PLPPR1: variants seen among roughly 807,000 people sequenced by gnomAD.
The protein encoded by PLPPR1 is phospholipid phosphatase related 1.
Under a neutral mutation model 33.1 loss-of-function variants are expected in PLPPR1, and 10 were observed. That is an observed-to-expected ratio of 0.30 (90% confidence interval 0.19 to 0.51). The LOEUF is 0.51. PLPPR1 is among the 20% of genes least tolerant of loss of function. The pLI is 0.97. For missense variants in PLPPR1, 304 were observed against 408.1 expected (o/e 0.74, Z 2.20); for synonymous variants, 151 against 151.0 (o/e 1.00, Z 0.00).
chr9:101,291,047 A>T (rs940911921), intron 4 of PLPPR1, among the ~76,000 whole-genome samples: 9 of 152,312 alleles, frequency 5.9e-5, no homozygotes, highest in African/African-American at 2.2e-4. Flanking sequence ...AAAGGGGTGA[A>T]AGACGGCACC....
At position 101,223,165 on chromosome 9, in the gene PLPPR1, A is replaced by G. The variant is rs112103294; in HGVS notation, c.63+37608A>G. 5.0e-4 allele frequency among the ~76,000 whole-genome samples: 54 copies of G among 107,960 alleles called. 1 individual carries two copies. Among genetic ancestry groups the G allele is most frequent in the Middle Eastern group, 4.6e-3 (1 of 218 alleles). The allele number at this position is 107,960 out of a possible 152,430, so 70.8% of individuals were successfully genotyped here. A position where few individuals can be genotyped will look rare whatever the true frequency, so the allele number is the denominator to read the frequency against. On this transcript the variant is annotated intron_variant, in intron 2 of 7. Coordinates refer to ENST00000374874, the MANE Select transcript of PLPPR1 (RefSeq NM_207299.2). ...CATCTCTACAAAAAAAAAAAAAAAAAAAAAAAAGAAAAGAAAAATTTTTAG... is the reference window on the plus strand; with the variant it reads ...CATCTCTACAAAAAAAAAAAAAAAAGAAAAAAAGAAAAGAAAAATTTTTAG...
intron 3 of PLPPR1, among the ~76,000 whole-genome samples, chr9:101,283,735 G>A (rs1288511042): frequency 6.6e-6 from 1 of 151,824 alleles, no homozygotes; most frequent in Non-Finnish European, 1.5e-5. Context: ...ATGGGAAAAT[G>A]TATTTGTAAA....
At chr9:101,190,419 A>G (rs1269415726) in intron 2 of PLPPR1, among the ~76,000 whole-genome samples, 1 of 152,184 alleles carries the variant, frequency 6.6e-6, no homozygotes, top group African/African-American at 2.4e-5. Context: ...AGTTCTTCAT[A>G]GAGCCGGGAC....
At chr9:101,125,539 G>A (rs1395708496) in intron 1 of PLPPR1, 1 of 422,874 alleles carries the variant, frequency 2.4e-6, no homozygotes. Flanking sequence ...CCAGATTGAA[G>A]GGAATAGGAA....
At chr9:101,057,600 A>G (rs965213754) in intron 1 of PLPPR1, among the ~76,000 whole-genome samples, 2 of 152,184 alleles carry the variant, frequency 1.3e-5, no homozygotes, top group East Asian at 1.9e-4. Flanking sequence ...GCCAGGAACT[A>G]TGCTTAGTGT....
chr9:101,298,610 T>G (rs7033605), intron 4 of PLPPR1, among the ~76,000 whole-genome samples: 7,398 of 152,116 alleles, frequency 0.049, 549 homozygotes, highest in African/African-American at 0.16. Context: ...CATTCAGTAT[T>G]TATAGTTAAA....
At chr9:101,212,609 A>G (rs994124268) in intron 2 of PLPPR1, among the ~76,000 whole-genome samples, 4 of 152,198 alleles carry the variant, frequency 2.6e-5, no homozygotes, top group African/African-American at 9.6e-5. Context: ...CAAACTCTTG[A>G]GAGAAAAATG....
At chr9:101,238,651 A>G (rs1288908303) in intron 2 of PLPPR1, among the ~76,000 whole-genome samples, 1 of 151,606 alleles carries the variant, frequency 6.6e-6, no homozygotes, top group Non-Finnish European at 1.5e-5. Flanking sequence ...ATAGGAGGAG[A>G]GTGAGGGTTG....
intron 1 of PLPPR1, among the ~76,000 whole-genome samples, chr9:101,173,178 A>C (rs1324951267): frequency 6.6e-6 from 1 of 152,152 alleles, no homozygotes; most frequent in Non-Finnish European, 1.5e-5. Context: ...CCTTTTCCTG[A>C]GTCACTAATT....
chr9:101,156,784 G>C (rs1037111205), intron 1 of PLPPR1, among the ~76,000 whole-genome samples: 1 of 151,700 alleles, frequency 6.6e-6, no homozygotes, highest in Non-Finnish European at 1.5e-5. Flanking sequence ...AGAGGGGAAG[G>C]CTTTCCAGAT....
At chr9:101,294,099 AT>A (rs1828572145) in intron 4 of PLPPR1, among the ~76,000 whole-genome samples, 1 of 152,228 alleles carries the variant, frequency 6.6e-6, no homozygotes, top group Non-Finnish European at 1.5e-5. Context: ...AATAGATGCA[AT>A]AAAAAATGAT....
At chr9:101,254,888 CCAA>C (rs1235523959) in intron 2 of PLPPR1, among the ~76,000 whole-genome samples, 1 of 152,072 alleles carries the variant, frequency 6.6e-6, no homozygotes, top group Non-Finnish European at 1.5e-5. Context: ...GGGATGTATA[CCAA>C]CGAGTGTGAC....
intron 2 of PLPPR1, among the ~76,000 whole-genome samples, chr9:101,250,835 C>T (rs1827702076): frequency 6.6e-6 from 1 of 152,070 alleles, no homozygotes; most frequent in Non-Finnish European, 1.5e-5. Context: ...TAAACTGTGG[C>T]AAGAGATAGC....
intron 3 of PLPPR1, among the ~76,000 whole-genome samples, chr9:101,285,193 C>T (rs1472845506): frequency 2.0e-5 from 3 of 152,090 alleles, no homozygotes; most frequent in Admixed American, 6.5e-5. Flanking sequence ...TCAGTTATGG[C>T]AGTGTCATTG....
At chr9:101,299,056 C>A (rs1219481897) in intron 4 of PLPPR1, among the ~76,000 whole-genome samples, 1 of 152,096 alleles carries the variant, frequency 6.6e-6, no homozygotes, top group Non-Finnish European at 1.5e-5. Context: ...GTGACAGTGC[C>A]CAGGCACCCA....
intron 1 of PLPPR1, among the ~76,000 whole-genome samples, chr9:101,165,137 G>A (rs180798901): frequency 1.4e-4 from 21 of 152,282 alleles, no homozygotes; most frequent in African/African-American, 4.8e-4. Context: ...AGGATTGAAA[G>A]ATAACACATA....
At chr9:101,192,591 T>G (rs2118730745) in intron 2 of PLPPR1, among the ~76,000 whole-genome samples, 1 of 152,168 alleles carries the variant, frequency 6.6e-6, no homozygotes, top group Non-Finnish European at 1.5e-5. Context: ...TGGTTATAAA[T>G]GTTAACATGA....
intron 1 of PLPPR1, among the ~76,000 whole-genome samples, chr9:101,043,685 G>C (rs1343339289): frequency 6.6e-6 from 1 of 152,024 alleles, no homozygotes; most frequent in Non-Finnish European, 1.5e-5. Context: ...GGATCAAATG[G>C]TAGTTCTACT....
At chr9:101,110,493 A>G (rs1831042736) in intron 1 of PLPPR1, among the ~76,000 whole-genome samples, 1 of 152,168 alleles carries the variant, frequency 6.6e-6, no homozygotes, top group African/African-American at 2.4e-5. Flanking sequence ...TACACGTAGA[A>G]GAATGTTATA....
Sources: allele counts gnomAD v4.1 joint callset (sites outside exome capture counted in the v4.1 genomes callset), GRCh38; gene constraint gnomAD v4.1.1; transcripts MANE v1.5; gene names NCBI Gene and HGNC (gene_info 2026-07-23, HGNC 2026-07-21).